The following ERCC6L variants were observed in gnomAD, a reference collection of about 807,000 sequenced individuals.
ERCC6L encodes the protein ERCC excision repair 6 like, spindle assembly checkpoint helicase.
ERCC6L carries 7 observed loss-of-function variants against 20.1 expected under a neutral mutation model. The ratio of observed to expected loss-of-function variants is 0.35; its 90% confidence interval spans 0.20 to 0.65. The LOEUF (loss-of-function observed/expected upper bound fraction) is 0.65, where lower values mean the gene tolerates loss of function less well. ERCC6L is among the 30% of genes least tolerant of loss of function. The probability of loss-of-function intolerance (pLI) is 0.69; values close to 1 mark genes in which losing one functional copy is unlikely to be tolerated. For missense variants in ERCC6L, 592 were observed against 892.4 expected (o/e 0.66, Z 4.29); for synonymous variants, 278 against 331.3 (o/e 0.84, Z 1.75).
chrX:72,237,622 G>A (rs1236580323), intron 1 of ERCC6L, among the ~76,000 whole-genome samples: 1 of 105,494 alleles, frequency 9.5e-6, no homozygotes, highest in Non-Finnish European at 1.9e-5. Flanking sequence ...AAAATAGCTG[G>A]GTGTGGTGGT....
At position 72,226,697 on chromosome X, in the gene ERCC6L, C is replaced by G. The variant is rs974328027; in HGVS notation, c.68+12147G>C. Reference sequence around the variant, plus strand: ...GAGTATTGGGCAAAACAAGCCTCAACCAACCATCCAATCCCCCAATACCTA... The same window carrying G: ...GAGTATTGGGCAAAACAAGCCTCAAGCAACCATCCAATCCCCCAATACCTA... On this transcript the variant is annotated intron_variant, in intron 1 of 1. Coordinates refer to ENST00000334463, the MANE Select transcript of ERCC6L (RefSeq NM_017669.4). Among the ~76,000 whole-genome samples the G allele has an allele frequency of 2.7e-5, 3 of 111,672 alleles. No homozygotes were observed. In the Admixed American group the frequency reaches 2.9e-4, roughly 11 times the overall value.
chrX:72,233,189 C>T (rs998118494), intron 1 of ERCC6L, among the ~76,000 whole-genome samples: 5 of 111,600 alleles, frequency 4.5e-5, no homozygotes, highest in African/African-American at 1.6e-4. Flanking sequence ...AATATAGCTA[C>T]ACAGCCTTCC....
intron 1 of ERCC6L, among the ~76,000 whole-genome samples, chrX:72,225,663 C>T (rs151024478): frequency 0.018 from 2,044 of 111,901 alleles, 58 homozygotes; most frequent in African/African-American, 0.063. Context: ...TATCACTAAA[C>T]CCCTTTATGA....
At position 72,208,642 on chromosome X, in the gene ERCC6L, T is replaced by C; in HGVS notation, c.125A>G (p.Lys42Arg). 1.7e-6 allele frequency: 2 copies of C among 1,211,223 alleles called. No individual in the cohort carries two copies. The highest frequency in any genetic ancestry group is 2.2e-6 in the Non-Finnish European group (2 of 895,203). Residue 42 changes from lysine to arginine, a missense_variant, in exon 2 of 2, where the codon AAA (lysine) becomes AGA (arginine). By Grantham distance (26) the Lys-to-Arg change is conservative (BLOSUM62 2). Coordinates refer to ENST00000334463, the MANE Select transcript of ERCC6L (RefSeq NM_017669.4). The stretch of plus-strand genomic sequence containing the variant: ...AATGTCCTTTGCCAAATTGAAAAGT[T>C]TAAATGCTTCTTCCAGGTCTCCATT... ...TKNGDLEEAF[K>R]LFNLAKDIFP... is the part of the protein sequence containing the mutation.
intron 1 of ERCC6L, among the ~76,000 whole-genome samples, chrX:72,220,056 T>C (rs1248379569): frequency 9.0e-6 from 1 of 110,713 alleles, no homozygotes; most frequent in East Asian, 2.8e-4. Flanking sequence ...GTTTGTTGAG[T>C]GTTTTTGTAT....
intron 1 of ERCC6L, among the ~76,000 whole-genome samples, chrX:72,234,633 T>C (rs2147605899): frequency 9.0e-6 from 1 of 111,226 alleles, no homozygotes; most frequent in Non-Finnish European, 1.9e-5. Context: ...GAAGTCCTTA[T>C]ACCAGTGAGT....
At chrX:72,232,273 T>C (rs1294502823) in intron 1 of ERCC6L, among the ~76,000 whole-genome samples, 1 of 61,423 alleles carries the variant, frequency 1.6e-5, no homozygotes, top group Non-Finnish European at 2.8e-5. Flanking sequence ...GAAGGAGTAT[T>C]AAAAAAAAAA....
chrX:72,210,783 C>T (rs1374540141), intron 1 of ERCC6L, among the ~76,000 whole-genome samples: 7 of 111,747 alleles, frequency 6.3e-5, no homozygotes, highest in East Asian at 5.6e-4. Flanking sequence ...TGAACCACAA[C>T]GAGAGTTTAC....
At chrX:72,212,143 G>C (rs750808705) in intron 1 of ERCC6L, among the ~76,000 whole-genome samples, 4 of 110,452 alleles carry the variant, frequency 3.6e-5, no homozygotes, top group Non-Finnish European at 7.6e-5. Context: ...CGGGCATGGT[G>C]GTGGGTGCCT....
At chrX:72,229,072 C>A (rs1466560380) in intron 1 of ERCC6L, among the ~76,000 whole-genome samples, 1 of 111,359 alleles carries the variant, frequency 9.0e-6, no homozygotes, top group Middle Eastern at 4.2e-3. Flanking sequence ...TTATTTCAAA[C>A]CTATTACAAC....
At chrX:72,223,594 G>A (rs1351081407) in intron 1 of ERCC6L, among the ~76,000 whole-genome samples, 1 of 110,201 alleles carries the variant, frequency 9.1e-6, no homozygotes. Context: ...TCGCCATGTT[G>A]GTCAGGCTGG....
In ERCC6L at chrX:72,238,938, C is replaced by A; in HGVS notation, c.-27G>T. On this transcript the variant is annotated 5_prime_UTR_variant, in exon 1 of 2. Coordinates refer to ENST00000334463, the MANE Select transcript of ERCC6L (RefSeq NM_017669.4). ...ACCCTCGGATTGGGTTCCAGTTACC[C>A]CGGCGGGAGTTTGGAGCTTGGAGCT... The A allele has an allele frequency of 8.7e-7, 1 of 1,148,564 alleles. No homozygotes were observed. The highest frequency in any genetic ancestry group is 1.2e-6 in the Non-Finnish European group (1 of 851,649). The allele number at this position is 1,148,564 out of a possible 1,213,427, so 94.7% of individuals were successfully genotyped here. A position where few individuals can be genotyped will look rare whatever the true frequency, so the allele number is the denominator to read the frequency against.
At chrX:72,213,774 G>A (rs2042871415) in intron 1 of ERCC6L, among the ~76,000 whole-genome samples, 1 of 112,015 alleles carries the variant, frequency 8.9e-6, no homozygotes, top group Admixed American at 9.5e-5. Context: ...TTCTAATAGA[G>A]CTATAACACT....
rs1414786443 is a variant in ERCC6L, at chrX:72,205,919, C to A, written c.2848G>T (p.Ala950Ser). 7.4e-6 allele frequency: 9 copies of A among 1,210,784 alleles called. No individual in the cohort carries two copies. The highest frequency in any genetic ancestry group is 1.0e-5 in the Non-Finnish European group (9 of 894,796). ...TCCAAGAAAAGATTGAAATCACATG[C>A]ATACTGTGGTGAAGATGCTGAAGGT... ...EEPSASSPQY[A>S]CDFNLFLEDS... The change falls in exon 2 of 2, where the codon GCA becomes TCA. Residue 950 changes from alanine to serine, a missense_variant. Coordinates refer to ENST00000334463, the MANE Select transcript of ERCC6L (RefSeq NM_017669.4).
At chrX:72,209,843 A>C (rs2042842371) in intron 1 of ERCC6L, among the ~76,000 whole-genome samples, 2 of 111,631 alleles carry the variant, frequency 1.8e-5, no homozygotes, top group African/African-American at 6.5e-5. Context: ...CGCCAAAATA[A>C]TTCACTGGGG....
At position 72,207,955 on chromosome X, in the gene ERCC6L, A is replaced by G; in HGVS notation, c.812T>C (p.Phe271Ser). The change falls in exon 2 of 2, where the codon TTT becomes TCT. Residue 271 changes from phenylalanine (F) to serine (S), a missense_variant. Around this residue, in one of 3 missense-constraint regions of ERCC6L, gnomAD observed 196 missense variants for 440.1 expected, o/e 0.45. Transcript: ENST00000334463. Reference sequence around the variant, plus strand: ...CAGGGACCCTTGACAAGCAAAATCAAATAGGGACCATAGTTCTTGTAAATT... The same window carrying G: ...CAGGGACCCTTGACAAGCAAAATCAGATAGGGACCATAGTTCTTGTAAATT... ...QNNLQELWSL[F>S]DFACQGSLLG... 8.3e-7 allele frequency: 1 copy of G among 1,211,587 alleles called. No individual in the cohort carries two copies. The highest frequency in any genetic ancestry group is 1.1e-6 in the Non-Finnish European group (1 of 895,476).
At chrX:72,210,199 T>TAAAA (rs1406489422) in intron 1 of ERCC6L, among the ~76,000 whole-genome samples, 57 of 77,776 alleles carry the variant, frequency 7.3e-4, no homozygotes, top group African/African-American at 2.9e-3. Context: ...GACTGTCTCT[T>TAAAA]AAAAAATAAA....
chrX:72,228,848 C>T (rs1360885641), intron 1 of ERCC6L, among the ~76,000 whole-genome samples: 1 of 111,407 alleles, frequency 9.0e-6, no homozygotes, highest in East Asian at 2.8e-4. Flanking sequence ...CACAATCCCT[C>T]TTGCTGCGAA....
chrX:72,208,038 A>G lies in ERCC6L; in HGVS notation c.729T>C (p.Cys243=), dbSNP rs182482991. 135 of 1,210,202 alleles carry G rather than the reference A, an allele frequency of 1.1e-4. No individual in the cohort carries two copies. The East Asian group carries it at 3.8e-3, about 34-fold the overall frequency. The change falls in exon 2 of 2, where the codon TGT becomes TGC. Residue 243 remains cysteine, a synonymous_variant. Transcript: ENST00000334463. ...IKTSSTKSAI[C]ARAIPASNRL... is the part of the protein sequence containing the mutation. ...GATTACTTGCAGGAATAGCACGAGC[A>G]CATATTGCTGACTTAGTAGATGAGG...
Sources: gnomAD v4.1 joint callset for allele counts (sites outside exome capture counted in the v4.1 genomes callset) on GRCh38, gnomAD v4.1.1 for gene constraint, gnomAD v4.1.1 regional missense constraint, MANE v1.5 for transcripts, NCBI Gene and HGNC (gene_info 2026-07-23, HGNC 2026-07-21) for gene names.